CYP4Z1: variants seen among roughly 807,000 people sequenced by gnomAD.
CYP4Z1 encodes cytochrome P450 family 4 subfamily Z member 1.
Under a neutral mutation model 54.2 loss-of-function variants are expected in CYP4Z1, and 41 were observed. The observed-to-expected ratio is 0.76, with a 90% CI of 0.59 to 0.98. The LOEUF (loss-of-function observed/expected upper bound fraction) is 0.98. Among genes scored for constraint, CYP4Z1 ranks in the 50% least tolerant of loss-of-function variants. The pLI, the probability that CYP4Z1 is intolerant of heterozygous loss-of-function variation, is 0.00. For synonymous variants in CYP4Z1, 163 were observed against 206.2 expected, an observed-to-expected ratio of 0.79 and a Z score of 1.79; for missense variants, 513 against 599.0, an observed-to-expected ratio of 0.86 and a Z score of 1.50.
Position 47,068,671 on chromosome 1 carries a change from A to G in CYP4Z1, c.227A>G (p.Tyr76Cys), listed in dbSNP as rs1256577866. Residue 76 changes from tyrosine (Y) to cysteine (C), a missense_variant, in exon 2 of 12, where the codon TAC becomes TGC. Physicochemically the swap from Tyr to Cys is radical, Grantham distance 194 (BLOSUM62 -2). Coordinates refer to ENST00000334194, the MANE Select transcript of CYP4Z1 (RefSeq NM_178134.3). ...FEVYHKLMEK[Y>C]PCAVPLWVGP... ...GTGTATCATAAGCTGATGGAAAAATACCCATGTGCTGTTCCCTTGTGGGTT... is the reference window on the plus strand; with the variant it reads ...GTGTATCATAAGCTGATGGAAAAATGCCCATGTGCTGTTCCCTTGTGGGTT... 2 of 1,614,122 alleles carry G rather than the reference A, an allele frequency of 1.2e-6. No homozygotes were observed. The highest frequency in any genetic ancestry group is 1.7e-5 in the Admixed American group (1 of 60,012).
At chr1:47,082,746 AG>A (rs1280303187) in intron 4 of CYP4Z1, among the ~76,000 whole-genome samples, 2 of 151,666 alleles carry the variant, frequency 1.3e-5, no homozygotes, top group East Asian at 3.9e-4. Flanking sequence ...AAGGCAGAAG[AG>A]CAAAGACACC....
chr1:47,094,679 C>A lies in CYP4Z1; in HGVS notation c.876+10C>A. 2.5e-6 allele frequency: 4 copies of A among 1,599,788 alleles called. No individual in the cohort carries two copies. Among genetic ancestry groups the A allele is most frequent in the South Asian group, 2.2e-5 (2 of 89,460 alleles). ...ACTTTTGAGTGCCAAAGTAAGTCTTCTAAACTTCTGAACACATTCGACTCA... is the reference window on the plus strand; with the variant it reads ...ACTTTTGAGTGCCAAAGTAAGTCTTATAAACTTCTGAACACATTCGACTCA... On this transcript the variant is annotated intron_variant, in intron 7 of 11. Coordinates refer to ENST00000334194, the MANE Select transcript of CYP4Z1 (RefSeq NM_178134.3).
intron 7 of CYP4Z1, among the ~76,000 whole-genome samples, chr1:47,096,279 G>A (rs1293262907): frequency 6.6e-6 from 1 of 152,130 alleles, no homozygotes; most frequent in Non-Finnish European, 1.5e-5. Flanking sequence ...TTATCCAGGT[G>A]TGGCAGCACT....
At chr1:47,065,187 C>G (rs891350861), upstream of CYP4Z1, among the ~76,000 whole-genome samples, 3 of 152,104 alleles carry the variant, frequency 2.0e-5, no homozygotes, top group African/African-American at 4.8e-5. Flanking sequence ...ATGGACTTAA[C>G]AGATATTAAC....
chr1:47,065,821 A>G (rs9701899), upstream of CYP4Z1, among the ~76,000 whole-genome samples: 63,906 of 151,956 alleles, frequency 0.42, 14,816 homozygotes, highest in East Asian at 0.97. Flanking sequence ...ATCCAAATAA[A>G]CTCAATTAGA....
chr1:47,065,208 C>T (rs1302381498), upstream of CYP4Z1, among the ~76,000 whole-genome samples: 1 of 152,112 alleles, frequency 6.6e-6, no homozygotes, highest in Non-Finnish European at 1.5e-5. Context: ...GAACATTCTA[C>T]CCAACAATTG....
At chr1:47,060,698 A>G in the CYP4Z1 span, among the ~76,000 whole-genome samples, 9 of 152,144 alleles carry the variant, frequency 5.9e-5, no homozygotes, top group African/African-American at 2.2e-4. Flanking sequence ...ACAGGACTAA[A>G]TAGATCTGAT....
At chr1:47,113,901 T>C (rs373859899) in intron 9 of CYP4Z1, among the ~76,000 whole-genome samples, 2 of 152,154 alleles carry the variant, frequency 1.3e-5, no homozygotes, top group Non-Finnish European at 1.5e-5. Flanking sequence ...ATGCCATCCC[T>C]ATCAAGCTAC....
At chr1:47,084,344 A>G (rs572872078) in intron 4 of CYP4Z1, among the ~76,000 whole-genome samples, 18 of 151,332 alleles carry the variant, frequency 1.2e-4, no homozygotes, top group Non-Finnish European at 2.2e-4. Context: ...TAGTTTTTCC[A>G]TGATAAAAGT....
chr1:47,064,290 G>T (rs190840889), upstream of CYP4Z1, among the ~76,000 whole-genome samples: 428 of 151,942 alleles, frequency 2.8e-3, 5 homozygotes, highest in African/African-American at 9.8e-3. Flanking sequence ...CACCATGTTG[G>T]CCAGGATGGT....
At chr1:47,115,242 G>A (rs1199833497) in intron 9 of CYP4Z1, among the ~76,000 whole-genome samples, 3 of 152,028 alleles carry the variant, frequency 2.0e-5, no homozygotes, top group South Asian at 4.1e-4. Context: ...TGGGAATTGA[G>A]CAGTGAGAAC....
chr1:47,085,948 G>C (rs1256739430), intron 6 of CYP4Z1, among the ~76,000 whole-genome samples: 1 of 149,978 alleles, frequency 6.7e-6, no homozygotes. Context: ...GCGGTGTCTG[G>C]TTTTTTGTCC....
At chr1:47,107,499 C>G (rs1038329356) in intron 9 of CYP4Z1, among the ~76,000 whole-genome samples, 1 of 152,010 alleles carries the variant, frequency 6.6e-6, no homozygotes, top group Non-Finnish European at 1.5e-5. Flanking sequence ...ATATTTATTA[C>G]CTACATAATA....
chr1:47,094,237 A>G (rs1644659859), intron 6 of CYP4Z1, among the ~76,000 whole-genome samples: 1 of 152,228 alleles, frequency 6.6e-6, no homozygotes, highest in South Asian at 2.1e-4. Context: ...AGTACCCTAC[A>G]TCACAAACAA....
chr1:47,055,715 T>G, the CYP4Z1 span, among the ~76,000 whole-genome samples: 1 of 152,202 alleles, frequency 6.6e-6, no homozygotes, highest in Admixed American at 6.5e-5. Context: ...GTAGAGGTGT[T>G]TATAGTATTT....
intron 6 of CYP4Z1, among the ~76,000 whole-genome samples, chr1:47,087,995 G>A (rs1269074160): frequency 3.9e-5 from 6 of 152,082 alleles, no homozygotes; most frequent in African/African-American, 9.7e-5. Context: ...GCTGGATTAC[G>A]TTGATTGATT....
chr1:47,056,658 C>T, the CYP4Z1 span, among the ~76,000 whole-genome samples: 3 of 152,080 alleles, frequency 2.0e-5, no homozygotes, highest in Non-Finnish European at 2.9e-5. Context: ...TGAATTGATC[C>T]CTTTACCATT....
chr1:47,077,441 C>A lies in CYP4Z1; in HGVS notation c.320-3182C>A, dbSNP rs1326441246. Among the ~76,000 whole-genome samples, 3 of 152,016 alleles carry A rather than the reference C, an allele frequency of 2.0e-5. 1 individual carries two copies. In the East Asian group the frequency reaches 5.8e-4, roughly 29 times the overall value. On this transcript the variant is annotated intron_variant, in intron 2 of 11. Transcript: ENST00000334194. The stretch of plus-strand genomic sequence containing the variant: ...ACCTTTTCTACCCTTTTACTTTTAA[C>A]CTCTTTGTTTCTTCAGATCTAAAGT...
intron 8 of CYP4Z1, among the ~76,000 whole-genome samples, chr1:47,105,321 C>T (rs1454506656): frequency 6.6e-6 from 1 of 152,138 alleles, no homozygotes; most frequent in African/African-American, 2.4e-5. Context: ...TGATGCCACA[C>T]TGCAGCTGCT....
Sources: allele counts gnomAD v4.1 joint callset (sites outside exome capture counted in the v4.1 genomes callset), GRCh38; gene constraint gnomAD v4.1.1; transcripts MANE v1.5; gene names NCBI Gene and HGNC (gene_info 2026-07-23, HGNC 2026-07-21).